The following CDH12 variants were observed in gnomAD, a reference collection of about 807,000 sequenced individuals.
CDH12 encodes the protein cadherin 12, also known as cadherin-12.
A neutral mutation model predicts 74.1 loss-of-function variants in CDH12; 41 were observed. The ratio of observed to expected loss-of-function variants is 0.55; its 90% CI spans 0.43 to 0.72. CDH12 has a LOEUF of 0.72. Among genes scored for constraint, CDH12 ranks in the 30% least tolerant of loss-of-function variants. The pLI is 0.00. For synonymous variants in CDH12, 399 were observed against 355.0 expected, an observed-to-expected ratio of 1.12 and a Z score of -1.39; for missense variants, 945 against 977.2, an observed-to-expected ratio of 0.97 and a Z score of 0.44.
chr5:22,654,474 G>T (rs1739920315), intron 1 of CDH12, among the ~76,000 whole-genome samples: 1 of 151,854 alleles, frequency 6.6e-6, no homozygotes, highest in Admixed American at 6.6e-5. Context: ...ATTTTTAGTA[G>T]AGACAGGGTT....
intron 1 of CDH12, among the ~76,000 whole-genome samples, chr5:22,839,541 G>C (rs1736993159): frequency 6.6e-6 from 1 of 151,972 alleles, no homozygotes; most frequent in African/African-American, 2.4e-5. Context: ...ATTTTTAGTA[G>C]AGACAGGGTT....
At chr5:22,677,264 T>C (rs1002333902) in intron 1 of CDH12, among the ~76,000 whole-genome samples, 1 of 152,136 alleles carries the variant, frequency 6.6e-6, no homozygotes, top group Non-Finnish European at 1.5e-5. Context: ...TATAAGAGAA[T>C]ACCTTAGATT....
intron 5 of CDH12, among the ~76,000 whole-genome samples, chr5:22,003,792 A>G (rs139760336): frequency 1.2e-4 from 17 of 142,138 alleles, no homozygotes; most frequent in African/African-American, 3.8e-4. Flanking sequence ...CGTTTCATGA[A>G]AGAATAAATG....
chr5:22,348,518 C>T (rs917610464), intron 3 of CDH12, among the ~76,000 whole-genome samples: 5 of 152,154 alleles, frequency 3.3e-5, no homozygotes, highest in Non-Finnish European at 5.9e-5. Context: ...GTGTTGTGAA[C>T]AGACTGGAAA....
At chr5:22,174,790 A>G (rs1309056999) in intron 4 of CDH12, among the ~76,000 whole-genome samples, 2 of 151,946 alleles carry the variant, frequency 1.3e-5, no homozygotes, top group African/African-American at 4.8e-5. Flanking sequence ...AAAGTTGCAA[A>G]TATGCTTTAT....
Position 22,072,690 on chromosome 5 carries a change from A to G in CDH12, c.231+5756T>C, listed in dbSNP as rs561487829. 7.4e-4 allele frequency among the ~76,000 whole-genome samples: 113 copies of G among 152,116 alleles called. 2 individuals are homozygous for G. In the South Asian group the frequency reaches 0.022, roughly 30 times the overall value. On this transcript the variant is annotated intron_variant, in intron 5 of 14. Transcript: ENST00000382254. ...CTGCACCCATTAACTCGTCATTTACATTAGGTATATCTCCTAATGCTATCC... is the reference window on the plus strand; with the variant it reads ...CTGCACCCATTAACTCGTCATTTACGTTAGGTATATCTCCTAATGCTATCC...
At chr5:22,144,394 A>C (rs1747020810) in intron 4 of CDH12, among the ~76,000 whole-genome samples, 1 of 152,306 alleles carries the variant, frequency 6.6e-6, no homozygotes, top group African/African-American at 2.4e-5. Flanking sequence ...TGCCAGCTTA[A>C]ACCATTTTAA....
chr5:22,311,702 CAAAAAA>C (rs138539518), intron 3 of CDH12, among the ~76,000 whole-genome samples: 1 of 94,694 alleles, frequency 1.1e-5, no homozygotes, highest in East Asian at 3.2e-4. Flanking sequence ...GACTCCATCT[CAAAAAA>C]AAAAAAAAAA....
intron 4 of CDH12, among the ~76,000 whole-genome samples, chr5:22,110,531 T>C (rs1342856637): frequency 1.3e-5 from 2 of 151,514 alleles, no homozygotes; most frequent in East Asian, 3.9e-4. Context: ...AGTGCAATCA[T>C]AGGGTTGTGG....
chr5:22,561,413 T>G (rs974250072), intron 1 of CDH12, among the ~76,000 whole-genome samples: 1 of 152,180 alleles, frequency 6.6e-6, no homozygotes, highest in Admixed American at 6.5e-5. Flanking sequence ...TTCATTATAA[T>G]TTAATTTGAA....
At chr5:21,880,784 G>A (rs1459570837) in intron 6 of CDH12, among the ~76,000 whole-genome samples, 1 of 151,028 alleles carries the variant, frequency 6.6e-6, no homozygotes, top group Non-Finnish European at 1.5e-5. Context: ...ATAGAAAGTA[G>A]AGTCCCAGTG....
intron 3 of CDH12, among the ~76,000 whole-genome samples, chr5:22,264,872 T>C (rs867258070): frequency 6.6e-6 from 1 of 152,218 alleles, no homozygotes; most frequent in Middle Eastern, 3.4e-3. Flanking sequence ...GGGAATCCAA[T>C]CTGTGTGTGC....
intron 1 of CDH12, among the ~76,000 whole-genome samples, chr5:22,632,302 T>C (rs1248027139): frequency 6.6e-6 from 1 of 152,158 alleles, no homozygotes; most frequent in Non-Finnish European, 1.5e-5. Context: ...TTTTATAAGT[T>C]ACCCAGTCTC....
At chr5:22,404,219 T>G (rs1742846259) in intron 3 of CDH12, among the ~76,000 whole-genome samples, 1 of 152,020 alleles carries the variant, frequency 6.6e-6, no homozygotes, top group Admixed American at 6.6e-5. Flanking sequence ...TTTTGAGGTC[T>G]GGCAATCTAA....
At chr5:22,389,650 ATTT>A in intron 3 of CDH12, among the ~76,000 whole-genome samples, 1 of 138,348 alleles carries the variant, frequency 7.2e-6, no homozygotes, top group African/African-American at 2.8e-5. Flanking sequence ...TAAAAAGACA[ATTT>A]TTTTTTTTTT....
intron 1 of CDH12, among the ~76,000 whole-genome samples, chr5:22,675,868 C>CATATATATATATATATATATATATATA: frequency 3.5e-5 from 1 of 28,186 alleles, no homozygotes; most frequent in Non-Finnish European, 6.3e-5. Context: ...ACTTTTGTAT[C>CATATATATATATATATATATATATATA]TCATATATAT....
chr5:21,994,663 C>T (rs913315961), intron 5 of CDH12, among the ~76,000 whole-genome samples: 6 of 152,148 alleles, frequency 3.9e-5, no homozygotes, highest in African/African-American at 1.4e-4. Context: ...CAGTTGGAAA[C>T]AACTCTGTTT....
At chr5:21,869,278 T>C (rs10473564) in intron 6 of CDH12, among the ~76,000 whole-genome samples, 21,737 of 152,102 alleles carry the variant, frequency 0.14, 1,932 homozygotes, top group African/African-American at 0.24. Flanking sequence ...TTAAGGTCAA[T>C]GGGAAGTTAC....
intron 3 of CDH12, among the ~76,000 whole-genome samples, chr5:22,287,015 A>G (rs2968385): frequency 0.42 from 64,375 of 151,974 alleles, 14,601 homozygotes; most frequent in Admixed American, 0.53. Context: ...AGAATCGGAA[A>G]GTTGAACAAA....
Sources: allele counts gnomAD v4.1 joint callset (sites outside exome capture counted in the v4.1 genomes callset), GRCh38; gene constraint gnomAD v4.1.1; transcripts MANE v1.5; gene names NCBI Gene and HGNC (gene_info 2026-07-23, HGNC 2026-07-21).